Variants in CHMP3 observed in about 807,000 individuals in gnomAD.
CHMP3 encodes the protein charged multivesicular body protein 3, also known as 25.1 protein.
Under a neutral mutation model 27.4 loss-of-function variants are expected in CHMP3, and 8 were observed. The ratio of observed to expected loss-of-function variants is 0.29; its 90% CI spans 0.17 to 0.53. The LOEUF (loss-of-function observed/expected upper bound fraction) is 0.53. CHMP3 is among the 20% of genes least tolerant of loss of function. The pLI, the probability that CHMP3 is intolerant of heterozygous loss-of-function variation, is 0.96. For missense variants in CHMP3, 208 were observed against 271.5 expected, an observed-to-expected ratio of 0.77 and a Z score of 1.64; for synonymous variants, 86 against 85.5, an observed-to-expected ratio of 1.01 and a Z score of -0.03.
chr2:86,546,596 C>A (rs945904153), intron 1 of CHMP3, among the ~76,000 whole-genome samples: 3 of 152,038 alleles, frequency 2.0e-5, no homozygotes, highest in African/African-American at 4.8e-5. Context: ...CACCACCACA[C>A]CTGGCTAATT....
chr2:86,528,794 T>C (rs535798087), intron 3 of CHMP3, among the ~76,000 whole-genome samples: 1 of 152,276 alleles, frequency 6.6e-6, no homozygotes, highest in Non-Finnish European at 1.5e-5. Context: ...GAGGAAGCAT[T>C]AGGTAGGCAG....
chr2:86,529,986 C>T (rs930010810), intron 2 of CHMP3, among the ~76,000 whole-genome samples: 6 of 151,882 alleles, frequency 4.0e-5, no homozygotes, highest in Admixed American at 3.3e-4. Flanking sequence ...ACCCAGACAC[C>T]CCGAACTCTT....
intron 2 of CHMP3, among the ~76,000 whole-genome samples, chr2:86,536,750 C>G (rs2103968811): frequency 6.6e-6 from 1 of 152,314 alleles, no homozygotes; most frequent in African/African-American, 2.4e-5. Flanking sequence ...TATCTTTCAT[C>G]AAATCTAGGA....
intron 3 of CHMP3, among the ~76,000 whole-genome samples, chr2:86,520,939 G>C (rs991003655): frequency 6.6e-6 from 1 of 152,148 alleles, no homozygotes; most frequent in African/African-American, 2.4e-5. Context: ...CACAAAAGAA[G>C]TAAAAATGAT....
intron 1 of CHMP3, among the ~76,000 whole-genome samples, chr2:86,544,771 C>A (rs1421079766): frequency 6.6e-6 from 1 of 152,210 alleles, no homozygotes; most frequent in Non-Finnish European, 1.5e-5. Flanking sequence ...AACATCTGAT[C>A]TCTCTTTTCC....
chr2:86,512,016 A>C (rs1193917694), intron 3 of CHMP3: 2 of 152,226 alleles, frequency 1.3e-5, no homozygotes, highest in African/African-American at 2.4e-5. Context: ...ACTTATTACA[A>C]AAACACTCAA....
At chr2:86,527,470 G>A (rs1675760339) in intron 3 of CHMP3, among the ~76,000 whole-genome samples, 1 of 152,078 alleles carries the variant, frequency 6.6e-6, no homozygotes, top group South Asian at 2.1e-4. Context: ...GCATGTTGCA[G>A]GAAAAATTGA....
At chr2:86,527,910 G>A (rs1031044871) in intron 3 of CHMP3, among the ~76,000 whole-genome samples, 1 of 151,358 alleles carries the variant, frequency 6.6e-6, no homozygotes, top group African/African-American at 2.4e-5. Context: ...GCATTTAGCC[G>A]AGATCACACC....
At chr2:86,530,568 G>A (rs1675881530) in intron 2 of CHMP3, among the ~76,000 whole-genome samples, 1 of 152,098 alleles carries the variant, frequency 6.6e-6, no homozygotes, top group Admixed American at 6.5e-5. Flanking sequence ...ATGTATATAC[G>A]ACATTTTACT....
intron 2 of CHMP3, among the ~76,000 whole-genome samples, chr2:86,535,388 T>C (rs1676087100): frequency 1.3e-5 from 2 of 152,198 alleles, no homozygotes; most frequent in Non-Finnish European, 1.5e-5. Flanking sequence ...GTTTACTTGA[T>C]TTTTTTGGTT....
chr2:86,555,513 A>T (rs1344543953), intron 1 of CHMP3, among the ~76,000 whole-genome samples: 6 of 124,940 alleles, frequency 4.8e-5, no homozygotes, highest in Non-Finnish European at 1.0e-4. Context: ...AAAAAAAAAT[A>T]AATAAATAAA....
At chr2:86,562,210 A>C (rs1677399772) in intron 1 of CHMP3, 1 of 152,248 alleles carries the variant, frequency 6.6e-6, no homozygotes, top group African/African-American at 2.4e-5. Context: ...AAGATGCATA[A>C]GATTAGTTTT....
intron 3 of CHMP3, among the ~76,000 whole-genome samples, chr2:86,519,538 T>C (rs1426325172): frequency 3.3e-5 from 5 of 152,194 alleles, no homozygotes; most frequent in Admixed American, 3.3e-4. Context: ...TTAATGCCAA[T>C]GATGTGTTTT....
At chr2:86,560,288 T>C (rs898399414) in intron 1 of CHMP3, among the ~76,000 whole-genome samples, 4 of 152,130 alleles carry the variant, frequency 2.6e-5, no homozygotes, top group Middle Eastern at 3.4e-3. Context: ...TGCAGCACTA[T>C]TCACAATAGC....
chr2:86,518,880 G>A (rs1675416223), intron 3 of CHMP3, among the ~76,000 whole-genome samples: 1 of 152,142 alleles, frequency 6.6e-6, no homozygotes, highest in Admixed American at 6.5e-5. Flanking sequence ...ATCATGTTTT[G>A]GGTTGCAGGA....
intron 2 of CHMP3, among the ~76,000 whole-genome samples, chr2:86,538,227 T>C (rs1676223549): frequency 6.6e-6 from 1 of 152,140 alleles, no homozygotes. Flanking sequence ...GTCAAATACT[T>C]AGATACAGAA....
intron 1 of CHMP3, among the ~76,000 whole-genome samples, chr2:86,554,163 A>G (rs1222227245): frequency 6.6e-6 from 1 of 152,172 alleles, no homozygotes; most frequent in Non-Finnish European, 1.5e-5. Context: ...CTCACCAGAC[A>G]CTGTACCTGT....
chr2:86,506,641 T>C (rs1249164118), intron 5 of CHMP3, among the ~76,000 whole-genome samples: 1 of 151,196 alleles, frequency 6.6e-6, no homozygotes, highest in African/African-American at 2.4e-5. Context: ...TTTTTTTTTT[T>C]TTTTGAGACA....
At chr2:86,546,472 T>C (rs1196840956) in intron 1 of CHMP3, among the ~76,000 whole-genome samples, 1 of 151,134 alleles carries the variant, frequency 6.6e-6, no homozygotes, top group East Asian at 1.9e-4. Context: ...ACTTTCGCTC[T>C]TGTTGGCCAG....
Sources: gnomAD v4.1 joint callset for allele counts (sites outside exome capture counted in the v4.1 genomes callset) on GRCh38, gnomAD v4.1.1 for gene constraint, MANE v1.5 for transcripts, NCBI Gene and HGNC (gene_info 2026-07-23, HGNC 2026-07-21) for gene names.